Variants in DNASE2B observed in about 807,000 individuals in gnomAD.
The protein encoded by DNASE2B is deoxyribonuclease 2 beta, also known as deoxyribonuclease-2-beta.
In DNASE2B, 43 loss-of-function variants were observed where a neutral mutation model predicts 46.0. The ratio of observed to expected loss-of-function variants is 0.94; its 90% confidence interval spans 0.73 to 1.21. The LOEUF (loss-of-function observed/expected upper bound fraction) is 1.21, where lower values mean the gene tolerates loss of function less well. Among genes scored for constraint, DNASE2B ranks in the 50% most tolerant of loss-of-function variants. The probability of loss-of-function intolerance (pLI) is 0.00; values close to 1 mark genes in which losing one functional copy is unlikely to be tolerated. For synonymous variants in DNASE2B, 156 were observed against 152.5 expected (o/e 1.02, Z -0.17); for missense variants, 395 against 414.4 (o/e 0.95, Z 0.41).
intron 1 of DNASE2B, among the ~76,000 whole-genome samples, chr1:84,399,203 C>A (rs888022667): frequency 6.6e-6 from 1 of 152,208 alleles, no homozygotes; most frequent in African/African-American, 2.4e-5. Context: ...GGTACGTAGG[C>A]CACTGGCCTG....
Position 84,412,334 on chromosome 1 carries a change from T to A in DNASE2B, c.548-15T>A. 6.7e-7 allele frequency: 1 copy of A among 1,500,312 alleles called. No homozygotes were observed. Among genetic ancestry groups the A allele is most frequent in the Non-Finnish European group, 9.0e-7 (1 of 1,116,726 alleles). The allele number at this position is 1,500,312 out of a possible 1,614,324, so 92.9% of individuals were successfully genotyped here. A position where few individuals can be genotyped will look rare whatever the true frequency, so the allele number is the denominator to read the frequency against. On this transcript the variant is annotated splice_polypyrimidine_tract_variant and intron_variant, in intron 4 of 5. Coordinates refer to ENST00000370665, the MANE Select transcript of DNASE2B (RefSeq NM_021233.3). ...GTCTTAATTCTCAACTTTTCTTTAC[T>A]GTTTCTTGATTCAGATTCTCAGCTC...
rs1558495471 is a variant in DNASE2B at position 84,398,573 on chromosome 1, GA to G, written c.13del (p.Met5Ter). MKQ[K>X]MMARLLRTSF... ...GCTGTGGCATGAAATAAATGAAACAGAAAATGATGGCAAGACTGCTAAGAAC... is the reference window on the plus strand; with the variant it reads ...GCTGTGGCATGAAATAAATGAAACAGAAATGATGGCAAGACTGCTAAGAAC... On this transcript the variant is annotated frameshift_variant, in exon 1 of 6. Coordinates refer to ENST00000370665, the MANE Select transcript of DNASE2B (RefSeq NM_021233.3). LOFTEE classifies it high-confidence loss of function. 2 of 1,613,462 alleles carry G rather than the reference GA, an allele frequency of 1.2e-6. No homozygotes were observed. The highest frequency in any genetic ancestry group is 8.5e-7 in the Non-Finnish European group (1 of 1,179,636).
intron 1 of DNASE2B, among the ~76,000 whole-genome samples, chr1:84,400,935 G>T (rs1028100100): frequency 1.3e-5 from 2 of 152,214 alleles, no homozygotes; most frequent in African/African-American, 2.4e-5. Flanking sequence ...GCAGGAAAGA[G>T]TTCACTTAAA....
Position 84,410,848 on chromosome 1 carries a change from G to A in DNASE2B, c.396G>A (p.Leu132=), listed in dbSNP as rs755032129. 61 of 1,612,900 alleles carry A rather than the reference G, an allele frequency of 3.8e-5. No individual in the cohort carries two copies. The highest frequency in any genetic ancestry group is 1.6e-4 in the Middle Eastern group (1 of 6,078). ...RKYGHTKGLL[L]WNRVQGFWLI... ...ATGTGTCTTTGGTAGGTTTACTGCT[G>A]TGGAACAGAGTTCAAGGGTTCTGGC... The change falls in exon 4 of 6, where the codon CTG becomes CTA. Residue 132 remains leucine (L), a synonymous_variant. Transcript: ENST00000370665.
At chr1:84,398,745 G>A in intron 1 of DNASE2B, 56 bp downstream of exon 1, 2 of 1,591,214 alleles carry the variant, frequency 1.3e-6, no homozygotes, top group Non-Finnish European at 1.7e-6. Flanking sequence ...TACAGAGTTG[G>A]CCTGGCTCAC....
chr1:84,404,151 G>A (rs575549314), intron 2 of DNASE2B, among the ~76,000 whole-genome samples: 1 of 152,094 alleles, frequency 6.6e-6, no homozygotes, highest in African/African-American at 2.4e-5. Flanking sequence ...ATTGATCTGT[G>A]TTCTTGCACC....
chr1:84,399,564 C>G (rs950376339), intron 1 of DNASE2B, among the ~76,000 whole-genome samples: 3 of 152,096 alleles, frequency 2.0e-5, no homozygotes, highest in Non-Finnish European at 4.4e-5. Flanking sequence ...AATTTTTGAG[C>G]TAAGTTTTAA....
chr1:84,409,952 A>G (rs1351058351), intron 3 of DNASE2B, among the ~76,000 whole-genome samples: 1 of 152,194 alleles, frequency 6.6e-6, no homozygotes, highest in East Asian at 1.9e-4. Context: ...ACAGGTATTG[A>G]TTCTATTTCC....
Position 84,401,973 on chromosome 1 carries a change from A to G in DNASE2B, c.198A>G (p.Leu66=). The G allele has an allele frequency of 1.9e-6, 3 of 1,605,912 alleles. No homozygotes were observed. Among genetic ancestry groups the G allele is most frequent in the Non-Finnish European group, 2.5e-6 (3 of 1,177,094 alleles). ...SGETGLEYLY[L]DSTTRSWRKS... ...AGACTGGGTTAGAGTACCTGTACCT[A>G]GACTCTACAACTAGAAGCTGGAGGA... The change falls in exon 2 of 6, where the codon CTA becomes CTG. Residue 66 remains leucine, a synonymous_variant. Transcript: ENST00000370665.
At chr1:84,400,691 A>G (rs920657495) in intron 1 of DNASE2B, among the ~76,000 whole-genome samples, 2 of 152,156 alleles carry the variant, frequency 1.3e-5, no homozygotes, top group Admixed American at 6.5e-5. Context: ...TAGTTCACAA[A>G]CCCTTCACTG....
At chr1:84,414,303 A>G (rs945057368) in intron 5 of DNASE2B, among the ~76,000 whole-genome samples, 2 of 152,230 alleles carry the variant, frequency 1.3e-5, no homozygotes, top group African/African-American at 4.8e-5. Flanking sequence ...AGATGTTTGC[A>G]AACACCAACA....
Position 84,414,950 on chromosome 1 carries a change from G to T in DNASE2B, c.*82G>T. On this transcript the variant is annotated 3_prime_UTR_variant, in exon 6 of 6. Transcript: ENST00000370665. ...CATTACACCTTCTTTATATTTTAAA[G>T]GCCTGTGAATATACTTATAACCTGC... 9.8e-7 allele frequency: 1 copy of T among 1,023,734 alleles called. No homozygotes were observed. Among genetic ancestry groups the T allele is most frequent in the Non-Finnish European group, 1.4e-6 (1 of 704,478 alleles). 63.4% of individuals were successfully genotyped at this position (1,023,734 alleles called of 1,614,324 possible). A position where few individuals can be genotyped will look rare whatever the true frequency, so the allele number is the denominator to read the frequency against.
Position 84,408,509 on chromosome 1 carries a change from C to A in DNASE2B, c.376C>A (p.His126Asn). Reference protein sequence around the residue: ...KPVNYSRKYGHTKGLLLWNRV... With the variant: ...KPVNYSRKYGNTKGLLLWNRV... ...TGTGAATTACAGCAGAAAGTATGGA[C>A]ACACCAAAGGTATGACAAAGATTCT... The change falls in exon 3 of 6, where the codon CAC becomes AAC. Residue 126 changes from histidine to asparagine, a missense_variant. Coordinates refer to ENST00000370665, the MANE Select transcript of DNASE2B (RefSeq NM_021233.3). 6.2e-7 allele frequency: 1 copy of A among 1,609,664 alleles called. No individual in the cohort carries two copies. The highest frequency in any genetic ancestry group is 1.7e-5 in the Admixed American group (1 of 59,448).
intron 3 of DNASE2B, among the ~76,000 whole-genome samples, chr1:84,409,286 A>G (rs1680546653): frequency 2.0e-5 from 3 of 152,166 alleles, no homozygotes; most frequent in Admixed American, 6.6e-5. Context: ...TTTCCATGGC[A>G]ACAAGTATTC....
intron 5 of DNASE2B, among the ~76,000 whole-genome samples, 179 bp from the exon 6 acceptor site, chr1:84,414,349 A>T (rs1167511630): frequency 6.6e-6 from 1 of 152,234 alleles, no homozygotes; most frequent in East Asian, 1.9e-4. Flanking sequence ...TTACATTTGC[A>T]CATCACTTTA....
chr1:84,411,928 T>C (rs1169242670), intron 4 of DNASE2B, among the ~76,000 whole-genome samples: 2 of 152,166 alleles, frequency 1.3e-5, no homozygotes, highest in African/African-American at 4.8e-5. Flanking sequence ...CTTTTGTATA[T>C]GTATATGTAC....
chr1:84,406,740 G>C (rs1419110383), intron 2 of DNASE2B, among the ~76,000 whole-genome samples: 1 of 152,182 alleles, frequency 6.6e-6, no homozygotes, highest in Admixed American at 6.5e-5. Flanking sequence ...TTATGTGCCA[G>C]AAGTGACTGT....
chr1:84,410,914 A>C lies in DNASE2B; in HGVS notation c.462A>C (p.Glu154Asp). 1 of 1,613,456 alleles carries C rather than the reference A, an allele frequency of 6.2e-7. No individual in the cohort carries two copies. The highest frequency in any genetic ancestry group is 8.5e-7 in the Non-Finnish European group (1 of 1,179,706). ...SIPQFPPIPE[E>D]GYDYPPTGRR... ...CTCAGTTTCCTCCAATTCCGGAAGA[A>C]GGCTATGATTATCCACCCACAGGGA... Residue 154 changes from glutamate (E) to aspartate (D), a missense_variant, in exon 4 of 6, where the codon GAA becomes GAC. Glu to Asp is a conservative substitution (Grantham distance 45). Transcript: ENST00000370665.
intron 1 of DNASE2B, among the ~76,000 whole-genome samples, chr1:84,399,998 A>G (rs1472074102): frequency 6.6e-6 from 1 of 152,206 alleles, no homozygotes; most frequent in African/African-American, 2.4e-5. Flanking sequence ...GGTCATGGAA[A>G]TAGAAAGAAG....
Sources: gnomAD v4.1 joint callset for allele counts (sites outside exome capture counted in the v4.1 genomes callset) on GRCh38, gnomAD v4.1.1 for gene constraint, MANE v1.5 for transcripts, NCBI Gene and HGNC (gene_info 2026-07-23, HGNC 2026-07-21) for gene names.